The following UBAP2L variants were observed in gnomAD, a reference collection of about 807,000 sequenced individuals.
UBAP2L encodes ubiquitin associated protein 2 like, also known as ubiquitin-associated protein 2-like.
A neutral mutation model predicts 130.6 loss-of-function variants in UBAP2L; 12 were observed. The observed-to-expected ratio is 0.09, with a 90% CI of 0.06 to 0.15. UBAP2L has a LOEUF of 0.15. Ranked by LOEUF, UBAP2L falls within the 10% of genes least tolerant of loss-of-function variation. UBAP2L has a pLI of 1.00. For missense variants in UBAP2L, 965 were observed against 1,332.5 expected (o/e 0.72, Z 4.29); for synonymous variants, 503 against 524.7 (o/e 0.96, Z 0.57).
chr1:154,270,770 G>GTTTTTTTTTTTTTTTTTTT lies in UBAP2L; in HGVS notation c.*491_*492insTTTTTTTTTTTTTTTTTTT. ...AATTAGTTGAAGTGGTTTTTTTTTT[G>GTTTTTTTTTTTTTTTTTTT]TTTTTTTTTTTTTTTTGTACTGTGT... On this transcript the variant is annotated 3_prime_UTR_variant, in exon 27 of 27. Transcript: ENST00000428931. 4.3e-6 allele frequency: 4 copies of GTTTTTTTTTTTTTTTTTTT among 920,402 alleles called. No homozygotes were observed. The highest frequency in any genetic ancestry group is 5.2e-6 in the Non-Finnish European group (4 of 768,506). 57.0% of individuals were successfully genotyped at this position (920,402 alleles called of 1,614,324 possible). A position where few individuals can be genotyped will look rare whatever the true frequency, so the allele number is the denominator to read the frequency against.
chr1:154,231,771 G>GT (rs969916773), intron 4 of UBAP2L, among the ~76,000 whole-genome samples: 2 of 152,086 alleles, frequency 1.3e-5, no homozygotes, highest in African/African-American at 4.8e-5. Flanking sequence ...ATATTCCGTT[G>GT]TACATATATG....
intron 26 of UBAP2L, chr1:154,269,437 C>G (rs1177729566): frequency 2.3e-6 from 3 of 1,305,300 alleles, no homozygotes; most frequent in Non-Finnish European, 3.0e-6. Flanking sequence ...TGATCATATG[C>G]TTGAACCCAC....
At chr1:154,223,477 T>C (rs903051645) in intron 1 of UBAP2L, among the ~76,000 whole-genome samples, 1 of 152,154 alleles carries the variant, frequency 6.6e-6, no homozygotes, top group African/African-American at 2.4e-5. Flanking sequence ...CGTATATATG[T>C]GTATATGTAG....
intron 25 of UBAP2L, among the ~76,000 whole-genome samples, chr1:154,267,613 G>T (rs1463329972): frequency 6.6e-6 from 1 of 151,310 alleles, no homozygotes; most frequent in Non-Finnish European, 1.5e-5. Context: ...ACACCACCAG[G>T]CCTGCCTAAT....
chr1:154,225,240 A>C, intron 2 of UBAP2L, 27 bp downstream of exon 2: 1 of 1,610,778 alleles, frequency 6.2e-7, no homozygotes. Flanking sequence ...ATACGGATTC[A>C]TGGATAGCGT....
At chr1:154,220,388 C>T, upstream of UBAP2L, 1 of 1,614,236 alleles carries the variant, frequency 6.2e-7, no homozygotes, top group Non-Finnish European at 8.5e-7. Flanking sequence ...CCCGGAGAGC[C>T]AGTTACTGCC....
At position 154,236,910 on chromosome 1, in the gene UBAP2L, T is replaced by G. The variant is rs904900161; in HGVS notation, c.591-114T>G. The G allele has an allele frequency of 3.5e-5, 28 of 793,170 alleles. No individual in the cohort carries two copies. The Admixed American group carries it at 6.2e-4, about 17-fold the overall frequency. The allele number at this position is 793,170 out of a possible 1,614,324, so 49.1% of individuals were successfully genotyped here. A position where few individuals can be genotyped will look rare whatever the true frequency, so the allele number is the denominator to read the frequency against. ...GTAGATGACACACAGGATTATAGAA[T>G]GGGGCCATGACAGATTTGTACTAGG... On this transcript the variant is annotated intron_variant, in intron 7 of 26. Transcript: ENST00000428931.
rs1679399221 is a variant in UBAP2L, at chr1:154,255,698, G to A, written c.2100G>A (p.Gln700=). The part of the protein sequence containing the change: ...TTQHSSTLST[Q]QNTLSSSTSS... The stretch of plus-strand genomic sequence containing the variant: ...TTTCTGACAGCACGTTATCTACGCA[G>A]CAGAATACCCTTTCATCATCAACAT... Residue 700 remains glutamine (Q), a synonymous_variant, in exon 18 of 27, where the codon CAG becomes CAA. Transcript: ENST00000428931. 1 of 1,614,164 alleles carries A rather than the reference G, an allele frequency of 6.2e-7. No homozygotes were observed. Among genetic ancestry groups the A allele is most frequent in the South Asian group, 1.1e-5 (1 of 91,088 alleles).
intron 26 of UBAP2L, chr1:154,269,535 C>A (rs1399079783): frequency 2.8e-6 from 2 of 707,744 alleles, no homozygotes; most frequent in Non-Finnish European, 2.1e-6. Flanking sequence ...AACACAAACA[C>A]CTTGCTGAGC....
chr1:154,234,516 T>C (rs1670991221), intron 4 of UBAP2L, 75 bp from the exon 5 acceptor site: 1 of 1,514,460 alleles, frequency 6.6e-7, no homozygotes, highest in African/African-American at 1.4e-5. Context: ...AGTCAATCAG[T>C]CATCCCAGCT....
At chr1:154,244,397 A>G (rs1265981620) in intron 10 of UBAP2L, among the ~76,000 whole-genome samples, 2 of 152,084 alleles carry the variant, frequency 1.3e-5, no homozygotes, top group Non-Finnish European at 2.9e-5. Flanking sequence ...TTGAGACGAG[A>G]CGGAGTCTTG....
Position 154,253,968 on chromosome 1 carries a change from C to G in UBAP2L, c.1733C>G (p.Ser578Trp). The G allele has an allele frequency of 6.2e-7, 1 of 1,614,048 alleles. No homozygotes were observed. The highest frequency in any genetic ancestry group is 8.5e-7 in the Non-Finnish European group (1 of 1,180,002). ...GGTTATCAGAGCGGCCCAATTCAGT[C>G]GACAACCTATACCTCCCAAAATAAT... ...ESGYQSGPIQ[S>W]TTYTSQNNAQ... Residue 578 changes from serine (S) to tryptophan (W), a missense_variant, in exon 15 of 27, where the codon TCG (serine) becomes TGG (tryptophan). Ser to Trp is a radical substitution (Grantham distance 177). Around this residue, in one of 9 missense-constraint regions of UBAP2L, gnomAD observed 393 missense variants for 408.1 expected, o/e 0.96. Coordinates refer to ENST00000428931, the MANE Select transcript of UBAP2L (RefSeq NM_014847.4).
intron 9 of UBAP2L, 72 bp downstream of exon 9, chr1:154,241,637 A>T: frequency 6.3e-7 from 1 of 1,597,176 alleles, no homozygotes; most frequent in South Asian, 1.1e-5. Flanking sequence ...GAAAATGGGT[A>T]TGTTTCTACC....
chr1:154,241,441 T>C, intron 8 of UBAP2L, 72 bp from the exon 9 acceptor site: 4 of 1,494,198 alleles, frequency 2.7e-6, no homozygotes, highest in Admixed American at 3.6e-5. Context: ...ATTAATACAT[T>C]GATGTTTTCT....
chr1:154,270,726 T>C lies in UBAP2L; in HGVS notation c.*431T>C. On this transcript the variant is annotated 3_prime_UTR_variant, in exon 27 of 27. Transcript: ENST00000428931. ...AAACAAAAAAATGGCGTCATGAATA[T>C]GAACAGCATTGTCAGATGAATTAGT... 4 of 1,413,576 alleles carry C rather than the reference T, an allele frequency of 2.8e-6. No homozygotes were observed. Among genetic ancestry groups the C allele is most frequent in the Non-Finnish European group, 3.7e-6 (4 of 1,090,816 alleles). The allele number at this position is 1,413,576 out of a possible 1,614,324, so 87.6% of individuals were successfully genotyped here. A position where few individuals can be genotyped will look rare whatever the true frequency, so the allele number is the denominator to read the frequency against.
intron 1 of UBAP2L, chr1:154,221,482 G>C (rs1348848036): frequency 1.3e-5 from 2 of 152,750 alleles, no homozygotes; most frequent in Non-Finnish European, 2.9e-5. Context: ...CTCTGATCCG[G>C]ATCCGGCCTG....
intron 1 of UBAP2L, among the ~76,000 whole-genome samples, chr1:154,221,808 A>G (rs1051954136): frequency 6.6e-6 from 1 of 152,054 alleles, no homozygotes; most frequent in Non-Finnish European, 1.5e-5. Flanking sequence ...TAGTTTGGGT[A>G]CCCCAAACAA....
chr1:154,264,462 G>A (rs1343624015), intron 24 of UBAP2L, among the ~76,000 whole-genome samples: 1 of 152,142 alleles, frequency 6.6e-6, no homozygotes, highest in Non-Finnish European at 1.5e-5. Context: ...AGTGAAATCA[G>A]TACCCATTAT....
At chr1:154,243,023 CTCTT>C (rs1190344924) in intron 9 of UBAP2L, 190 bp from the exon 10 acceptor site, 2 of 426,646 alleles carry the variant, frequency 4.7e-6, no homozygotes, top group Admixed American at 4.0e-5. Context: ...CTTGCTTCTA[CTCTT>C]TCTTTGGCTA....
Sources: gnomAD v4.1 joint callset for allele counts (sites outside exome capture counted in the v4.1 genomes callset) on GRCh38, gnomAD v4.1.1 for gene constraint, gnomAD v4.1.1 regional missense constraint, MANE v1.5 for transcripts, NCBI Gene and HGNC (gene_info 2026-07-23, HGNC 2026-07-21) for gene names.